DOCK5: variants seen among roughly 807,000 people sequenced by gnomAD.
DOCK5 encodes dedicator of cytokinesis protein 5.
DOCK5 carries 142 observed loss-of-function variants against 251.8 expected under a neutral mutation model. That is an observed-to-expected ratio of 0.56 (90% CI 0.49 to 0.65). The LOEUF (loss-of-function observed/expected upper bound fraction) is 0.65. Among genes scored for constraint, DOCK5 ranks in the 30% least tolerant of loss-of-function variants. The probability of loss-of-function intolerance (pLI) is 0.00; values close to 1 mark genes in which losing one functional copy is unlikely to be tolerated. For missense variants in DOCK5, 2,111 were observed against 2,312.3 expected (o/e 0.91, Z 1.79); for synonymous variants, 842 against 835.5 (o/e 1.01, Z -0.13).
intron 44 of DOCK5, among the ~76,000 whole-genome samples, chr8:25,393,894 G>A (rs1182676486): frequency 6.6e-6 from 1 of 152,198 alleles, no homozygotes; most frequent in Non-Finnish European, 1.5e-5. Context: ...AGGTGTTCAA[G>A]AAATGTTTCT....
At chr8:25,309,789 C>A (rs1805041127) in intron 12 of DOCK5, among the ~76,000 whole-genome samples, 1 of 151,844 alleles carries the variant, frequency 6.6e-6, no homozygotes, top group Non-Finnish European at 1.5e-5. Flanking sequence ...CCACTGCATT[C>A]CAGTCTGGGC....
intron 22 of DOCK5, among the ~76,000 whole-genome samples, chr8:25,340,031 A>G (rs966092198): frequency 2.6e-5 from 4 of 152,118 alleles, no homozygotes; most frequent in African/African-American, 9.7e-5. Context: ...TGGGGCAATG[A>G]GAGAAAGAGA....
intron 27 of DOCK5, 105 bp from the exon 28 acceptor site, chr8:25,358,858 C>T (rs1235369719): frequency 4.4e-6 from 4 of 902,298 alleles, no homozygotes; most frequent in South Asian, 1.4e-5. Flanking sequence ...GGGATACCTG[C>T]GTGGCTCAGT....
intron 22 of DOCK5, among the ~76,000 whole-genome samples, chr8:25,339,051 A>C (rs1805884734): frequency 6.6e-6 from 1 of 152,246 alleles, no homozygotes; most frequent in East Asian, 1.9e-4. Context: ...CTTATATGTT[A>C]TTAAAGAAGA....
rs1013714680 is a variant in DOCK5 at position 25,363,153 on chromosome 8, C to A, written c.3044+12C>A. On this transcript the variant is annotated intron_variant, in intron 29 of 51. Coordinates refer to ENST00000276440, the MANE Select transcript of DOCK5 (RefSeq NM_024940.8). ...ATGACTCAAAACAGGTGAGACAGCC[C>A]ATGGCTGGCCCTGAGGCATTTGTCT... The A allele has an allele frequency of 6.2e-7, 1 of 1,610,704 alleles. No homozygotes were observed. Among genetic ancestry groups the A allele is most frequent in the Admixed American group, 1.7e-5 (1 of 59,956 alleles).
intron 47 of DOCK5, among the ~76,000 whole-genome samples, chr8:25,402,232 AT>A (rs1801451375): frequency 6.6e-6 from 1 of 152,164 alleles, no homozygotes; most frequent in African/African-American, 2.4e-5. Context: ...GGCTCAAGCC[AT>A]CCTCCCACCT....
intron 2 of DOCK5, among the ~76,000 whole-genome samples, chr8:25,266,547 T>C (rs1188104448): frequency 6.6e-6 from 1 of 151,950 alleles, no homozygotes; most frequent in Non-Finnish European, 1.5e-5. Flanking sequence ...ATTGTCTTAC[T>C]GTAAATACGC....
intron 5 of DOCK5, among the ~76,000 whole-genome samples, chr8:25,287,200 G>A (rs534014610): frequency 1.1e-4 from 16 of 152,322 alleles, no homozygotes; most frequent in African/African-American, 3.6e-4. Context: ...GCCGAGGTGG[G>A]AGGATCACCT....
At chr8:25,277,633 C>T (rs1804079241) in intron 4 of DOCK5, among the ~76,000 whole-genome samples, 1 of 152,198 alleles carries the variant, frequency 6.6e-6, no homozygotes, top group African/African-American at 2.4e-5. Context: ...AGTCCTCTTT[C>T]CGGTGGGCCG....
intron 1 of DOCK5, among the ~76,000 whole-genome samples, chr8:25,235,548 A>G (rs1450541908): frequency 6.6e-6 from 1 of 152,078 alleles, no homozygotes; most frequent in Non-Finnish European, 1.5e-5. Flanking sequence ...GTGAGCCACT[A>G]TGCTGGGCCT....
At chr8:25,396,246 G>T (rs1474484440) in intron 45 of DOCK5, among the ~76,000 whole-genome samples, 4 of 152,124 alleles carry the variant, frequency 2.6e-5, no homozygotes, top group African/African-American at 7.2e-5. Flanking sequence ...CAGGCATGAT[G>T]GTGCATGCCT....
At chr8:25,371,461 C>T (rs1376612215) in intron 34 of DOCK5, among the ~76,000 whole-genome samples, 4 of 151,706 alleles carry the variant, frequency 2.6e-5, no homozygotes, top group South Asian at 2.1e-4. Flanking sequence ...AGCAAGACTC[C>T]GTCTCAAAAA....
chr8:25,190,125 G>C (rs1018000096), intron 1 of DOCK5, among the ~76,000 whole-genome samples: 8 of 151,708 alleles, frequency 5.3e-5, no homozygotes, highest in Non-Finnish European at 1.0e-4. Context: ...GACTTCATGT[G>C]ATGTGCCCGC....
intron 4 of DOCK5, chr8:25,277,575 T>C (rs1050062060): frequency 6.6e-6 from 1 of 152,118 alleles, no homozygotes; most frequent in Non-Finnish European, 1.5e-5. Flanking sequence ...TACAGCTCTT[T>C]GGTGGCAGAA....
At chr8:25,309,191 A>G (rs1422829588) in intron 12 of DOCK5, among the ~76,000 whole-genome samples, 3 of 151,840 alleles carry the variant, frequency 2.0e-5, no homozygotes, top group Non-Finnish European at 4.4e-5. Flanking sequence ...TCATTTATTT[A>G]TTTATTTATT....
chr8:25,311,467 C>T (rs139201815), intron 13 of DOCK5, among the ~76,000 whole-genome samples: 5 of 145,766 alleles, frequency 3.4e-5, no homozygotes, highest in African/African-American at 1.0e-4. Context: ...CGCTGAAAAC[C>T]GGAAGGTGGA....
intron 44 of DOCK5, 48 bp downstream of exon 44, chr8:25,392,930 AT>A: frequency 6.9e-7 from 1 of 1,454,362 alleles, no homozygotes; most frequent in Non-Finnish European, 9.5e-7. Context: ...CTGTTTCCAA[AT>A]ATAATAACAG....
Position 25,246,704 on chromosome 8 carries a change from T to TCGTGTGTG in DOCK5, c.127+2947_127+2948insCGTGTGTG, listed in dbSNP as rs1414412892. Among the ~76,000 whole-genome samples the TCGTGTGTG allele has an allele frequency of 9.3e-4, 83 of 89,604 alleles. 3 individuals carry two copies. The highest frequency in any genetic ancestry group is 3.0e-3 in the African/African-American group (76 of 25,260). The allele number at this position is 89,604 out of a possible 152,430, so 58.8% of individuals were successfully genotyped here. On this transcript the variant is annotated intron_variant, in intron 2 of 51. Transcript: ENST00000276440. ...GGTAATTCTTCACTGCCATGTTAGT[T>TCGTGTGTG]TGTGTGTGTGTGTGTGTGTGTGTGT...
intron 24 of DOCK5, 137 bp downstream of exon 24, chr8:25,341,946 TG>T (rs1805965918): frequency 1.4e-6 from 1 of 723,504 alleles, no homozygotes. Flanking sequence ...CTCAGTTCTG[TG>T]GAAGATGCAA....
Sources: gnomAD v4.1 joint callset for allele counts (sites outside exome capture counted in the v4.1 genomes callset) on GRCh38, gnomAD v4.1.1 for gene constraint, MANE v1.5 for transcripts, NCBI Gene and HGNC (gene_info 2026-07-23, HGNC 2026-07-21) for gene names.